CPQ: variants seen among roughly 807,000 people sequenced by gnomAD.
CPQ encodes Ser-Met dipeptidase.
Under a neutral mutation model 45.7 loss-of-function variants are expected in CPQ, and 37 were observed. The observed-to-expected ratio is 0.81, with a 90% CI of 0.62 to 1.07. The LOEUF (loss-of-function observed/expected upper bound fraction) is 1.07. CPQ is among the 50% of genes least tolerant of loss of function. CPQ has a pLI of 0.00. For missense variants in CPQ, 537 were observed against 572.9 expected (o/e 0.94, Z 0.64); for synonymous variants, 186 against 205.8 (o/e 0.90, Z 0.82).
intron 1 of CPQ, among the ~76,000 whole-genome samples, chr8:96,669,191 T>C (rs942919178): frequency 6.6e-6 from 1 of 152,234 alleles, no homozygotes; most frequent in Non-Finnish European, 1.5e-5. Context: ...TCAGCGGGGA[T>C]CTTGGACTTG....
chr8:96,870,747 A>C (rs967292812), intron 3 of CPQ, among the ~76,000 whole-genome samples: 2 of 152,038 alleles, frequency 1.3e-5, no homozygotes, highest in African/African-American at 4.8e-5. Flanking sequence ...GCTAGCTTGG[A>C]GTGTTCTGTC....
At chr8:97,028,051 A>G (rs894750563) in intron 5 of CPQ, among the ~76,000 whole-genome samples, 4 of 152,226 alleles carry the variant, frequency 2.6e-5, no homozygotes, top group Non-Finnish European at 4.4e-5. Context: ...ATATGGACTT[A>G]GATGGAAACA....
At chr8:96,914,781 T>G (rs1435249352) in intron 4 of CPQ, among the ~76,000 whole-genome samples, 1 of 152,110 alleles carries the variant, frequency 6.6e-6, no homozygotes, top group Non-Finnish European at 1.5e-5. Flanking sequence ...AGTGGCATAC[T>G]CAGATGCCAG....
intron 1 of CPQ, among the ~76,000 whole-genome samples, chr8:96,649,834 C>T (rs73696208): frequency 6.6e-6 from 1 of 152,156 alleles, no homozygotes; most frequent in Non-Finnish European, 1.5e-5. Context: ...ATATTTCAGG[C>T]AAGTTATTAG....
Position 96,966,064 on chromosome 8 carries a change from T to A in CPQ, c.961+18T>A, listed in dbSNP as rs1252299132. The A allele has an allele frequency of 3.9e-6, 6 of 1,539,058 alleles. No homozygotes were observed. Among genetic ancestry groups the A allele is most frequent in the Non-Finnish European group, 5.4e-6 (6 of 1,114,882 alleles). On this transcript the variant is annotated intron_variant, in intron 5 of 7. Coordinates refer to ENST00000220763, the MANE Select transcript of CPQ (RefSeq NM_016134.4). ...AGATCTTGGTAAATATTTAGAAAAT[T>A]GTTAACTAATGTGTGAGGATCTCAG...
intron 1 of CPQ, among the ~76,000 whole-genome samples, chr8:96,747,398 A>G (rs1810202163): frequency 6.6e-6 from 1 of 152,112 alleles, no homozygotes. Context: ...CTAGAATGTG[A>G]ACAAATTTTG....
intron 3 of CPQ, among the ~76,000 whole-genome samples, chr8:96,855,378 G>T (rs1349082545): frequency 6.6e-6 from 1 of 152,020 alleles, no homozygotes; most frequent in African/African-American, 2.4e-5. Context: ...TTCATGATCT[G>T]GTATCAGATC....
At chr8:96,724,490 G>GACACACACACACACAC (rs146087978) in intron 1 of CPQ, among the ~76,000 whole-genome samples, 1 of 144,690 alleles carries the variant, frequency 6.9e-6, no homozygotes, top group African/African-American at 2.5e-5. Context: ...ATTTAGAGTA[G>GACACACACACACACAC]ACACACACAC....
intron 3 of CPQ, among the ~76,000 whole-genome samples, chr8:96,869,388 G>A (rs1020473291): frequency 6.6e-6 from 1 of 152,004 alleles, no homozygotes; most frequent in African/African-American, 2.4e-5. Context: ...CTTTTTAAAT[G>A]TGAGTTTGAG....
intron 7 of CPQ, among the ~76,000 whole-genome samples, chr8:97,123,002 T>TAAA (rs1356753477): frequency 0.027 from 404 of 15,192 alleles, 54 homozygotes; most frequent in East Asian, 0.14. Flanking sequence ...TAAAATAAAA[T>TAAA]ATAAAATAAA....
chr8:97,061,275 A>T (rs1445590994), intron 6 of CPQ, among the ~76,000 whole-genome samples: 1 of 146,526 alleles, frequency 6.8e-6, no homozygotes, highest in Non-Finnish European at 1.5e-5. Flanking sequence ...TTTTGTTTTC[A>T]TTTCTTTCTT....
chr8:96,907,499 T>A (rs1010892828), intron 4 of CPQ, among the ~76,000 whole-genome samples: 1 of 152,182 alleles, frequency 6.6e-6, no homozygotes, highest in Admixed American at 6.5e-5. Context: ...ATAACTCTAT[T>A]GTTACTGCTG....
intron 7 of CPQ, among the ~76,000 whole-genome samples, chr8:97,142,643 A>G (rs28377494): frequency 0.27 from 41,076 of 152,202 alleles, 6,462 homozygotes; most frequent in East Asian, 0.62. Flanking sequence ...AAGGCAGTGC[A>G]GAGCTTGTTG....
intron 7 of CPQ, among the ~76,000 whole-genome samples, chr8:97,109,444 G>A (rs1286392396): frequency 2.0e-5 from 3 of 151,966 alleles, no homozygotes; most frequent in African/African-American, 7.3e-5. Context: ...TGTCTGTCAG[G>A]GGTTCTCATT....
intron 7 of CPQ, among the ~76,000 whole-genome samples, chr8:97,111,423 G>A (rs910879955): frequency 1.3e-5 from 2 of 152,162 alleles, no homozygotes; most frequent in East Asian, 1.9e-4. Flanking sequence ...AATAGAAAGA[G>A]GAATCTGAGA....
chr8:97,013,931 T>C (rs558108210), intron 5 of CPQ, among the ~76,000 whole-genome samples: 1 of 152,356 alleles, frequency 6.6e-6, no homozygotes, highest in Non-Finnish European at 1.5e-5. Flanking sequence ...GACAATGTTG[T>C]ATATGTGTCA....
intron 7 of CPQ, among the ~76,000 whole-genome samples, chr8:97,122,866 C>G (rs569499762): frequency 2.9e-5 from 4 of 139,564 alleles, no homozygotes; most frequent in Non-Finnish European, 6.0e-5. Flanking sequence ...GCCTGGGCAA[C>G]AGAGTGAAAC....
intron 1 of CPQ, among the ~76,000 whole-genome samples, chr8:96,726,681 C>CCA (rs1173034380): frequency 6.6e-6 from 1 of 152,098 alleles, no homozygotes; most frequent in Non-Finnish European, 1.5e-5. Context: ...CAATCACCTC[C>CCA]CACCAGGCCC....
intron 1 of CPQ, among the ~76,000 whole-genome samples, chr8:96,714,828 G>A (rs1809654943): frequency 6.6e-6 from 1 of 151,260 alleles, no homozygotes; most frequent in African/African-American, 2.4e-5. Context: ...TTTCCCTCTT[G>A]ATGATGCGAC....
Sources: allele counts gnomAD v4.1 joint callset (sites outside exome capture counted in the v4.1 genomes callset), GRCh38; gene constraint gnomAD v4.1.1; transcripts MANE v1.5; gene names NCBI Gene and HGNC (gene_info 2026-07-23, HGNC 2026-07-21).